Variants in SAXO1 observed in about 807,000 individuals in gnomAD.
SAXO1 encodes the protein stabilizer of axonemal microtubules 1.
A neutral mutation model predicts 17.5 loss-of-function variants in SAXO1; 21 were observed. The ratio of observed to expected loss-of-function variants is 1.20; its 90% CI spans 0.85 to 1.72. The LOEUF (loss-of-function observed/expected upper bound fraction) is 1.72, where lower values mean the gene tolerates loss of function less well. Ranked by LOEUF, SAXO1 falls within the 40% of genes most tolerant of loss-of-function variation. The pLI is 0.00. For missense variants in SAXO1, 843 were observed against 596.0 expected (o/e 1.41, Z -4.32); for synonymous variants, 274 against 216.5 (o/e 1.27, Z -2.33).
chr9:18,983,631 T>C (rs1231765064), intron 1 of SAXO1, among the ~76,000 whole-genome samples: 2 of 152,214 alleles, frequency 1.3e-5, no homozygotes, highest in African/African-American at 4.8e-5. Context: ...TGCAGTAATT[T>C]ATGTCTTCAG....
intron 1 of SAXO1, among the ~76,000 whole-genome samples, chr9:18,966,796 T>C (rs1721698457): frequency 6.6e-6 from 1 of 152,040 alleles, no homozygotes. Context: ...TGGTGAGGAG[T>C]TGTGATCCTT....
At chr9:18,930,661 G>A (rs866145308) in intron 3 of SAXO1, among the ~76,000 whole-genome samples, 35 of 152,130 alleles carry the variant, frequency 2.3e-4, no homozygotes, top group Admixed American at 3.3e-4. Context: ...CACCGCACCC[G>A]GCTAATTTTG....
At chr9:18,955,777 C>A (rs1460927384) in intron 1 of SAXO1, among the ~76,000 whole-genome samples, 1 of 152,068 alleles carries the variant, frequency 6.6e-6, no homozygotes, top group Non-Finnish European at 1.5e-5. Context: ...GTCTTCAAGG[C>A]CCATCTTCAA....
At chr9:19,009,626 A>G (rs1210535446) in intron 1 of SAXO1, among the ~76,000 whole-genome samples, 2 of 152,170 alleles carry the variant, frequency 1.3e-5, no homozygotes, top group Non-Finnish European at 2.9e-5. Flanking sequence ...TGGAACAAGC[A>G]TCAGGGAAAA....
At chr9:19,023,548 A>C (rs997798461) in intron 1 of SAXO1, among the ~76,000 whole-genome samples, 7 of 152,184 alleles carry the variant, frequency 4.6e-5, no homozygotes, top group Non-Finnish European at 1.5e-5. Context: ...ATTTGAACCA[A>C]GATAGGCTGG....
At chr9:19,012,002 T>C (rs7037230) in intron 1 of SAXO1, among the ~76,000 whole-genome samples, 84,165 of 151,430 alleles carry the variant, frequency 0.56, 23,858 homozygotes, top group Non-Finnish European at 0.63. Context: ...CAGGTCACCA[T>C]GCCCGGCCAA....
intron 1 of SAXO1, among the ~76,000 whole-genome samples, chr9:18,968,212 CTT>C (rs959372995): frequency 2.6e-5 from 4 of 152,136 alleles, no homozygotes; most frequent in Non-Finnish European, 5.9e-5. Context: ...CCAGTCTTCC[CTT>C]TTTTGTTATT....
At chr9:18,995,520 C>T (rs1833965347) in intron 1 of SAXO1, among the ~76,000 whole-genome samples, 1 of 152,160 alleles carries the variant, frequency 6.6e-6, no homozygotes, top group South Asian at 2.1e-4. Flanking sequence ...TCCTAGCTTG[C>T]AAGAAAGAAC....
intron 1 of SAXO1, among the ~76,000 whole-genome samples, chr9:18,983,805 C>G (rs1431027046): frequency 6.6e-6 from 1 of 152,184 alleles, no homozygotes; most frequent in Non-Finnish European, 1.5e-5. Flanking sequence ...GAATCACTAA[C>G]TTTCTTAATG....
intron 1 of SAXO1, among the ~76,000 whole-genome samples, chr9:18,951,321 C>T (rs1161083087): frequency 6.6e-6 from 1 of 152,158 alleles, no homozygotes; most frequent in Non-Finnish European, 1.5e-5. Flanking sequence ...GAATTCAGGG[C>T]TTACTACTGA....
intron 1 of SAXO1, among the ~76,000 whole-genome samples, chr9:19,019,461 G>C (rs535615009): frequency 6.6e-6 from 1 of 152,182 alleles, no homozygotes; most frequent in Non-Finnish European, 1.5e-5. Flanking sequence ...GACAAGGTTG[G>C]CTCACACCTG....
At chr9:19,033,571 T>G (rs1405941096), upstream of SAXO1, among the ~76,000 whole-genome samples, 1 of 152,236 alleles carries the variant, frequency 6.6e-6, no homozygotes, top group African/African-American at 2.4e-5. Flanking sequence ...TTTCCAGATC[T>G]TCCTGTGGAA....
At chr9:19,012,254 G>T (rs1331633939) in intron 1 of SAXO1, among the ~76,000 whole-genome samples, 2 of 152,234 alleles carry the variant, frequency 1.3e-5, no homozygotes, top group African/African-American at 2.4e-5. Flanking sequence ...ATAAGATTTA[G>T]AGCCTTTTTC....
At chr9:18,983,053 A>G (rs547310109) in intron 1 of SAXO1, among the ~76,000 whole-genome samples, 209 of 152,342 alleles carry the variant, frequency 1.4e-3, no homozygotes, top group Middle Eastern at 3.4e-3. Flanking sequence ...ACGGACCATT[A>G]GCAGAGAGGT....
chr9:18,934,431 G>A (rs1219742906), intron 3 of SAXO1, among the ~76,000 whole-genome samples: 1 of 152,086 alleles, frequency 6.6e-6, no homozygotes, highest in Admixed American at 6.5e-5. Context: ...TCTTATGCCA[G>A]CTCAAATCTG....
chr9:18,987,694 C>G (rs905316367), intron 1 of SAXO1, among the ~76,000 whole-genome samples: 9 of 151,980 alleles, frequency 5.9e-5, no homozygotes, highest in African/African-American at 2.2e-4. Flanking sequence ...AGCTCAGGAG[C>G]TCAAGGCCAG....
At chr9:19,023,809 G>C (rs566963033) in intron 1 of SAXO1, among the ~76,000 whole-genome samples, 1 of 152,006 alleles carries the variant, frequency 6.6e-6, no homozygotes, top group African/African-American at 2.4e-5. Context: ...GGAAAGCAAG[G>C]AAAGGAAAGA....
At chr9:18,941,587 C>G (rs1163229479) in intron 3 of SAXO1, 50 bp downstream of exon 3, 1 of 1,603,254 alleles carries the variant, frequency 6.2e-7, no homozygotes, top group African/African-American at 1.3e-5. Context: ...CTGGCCCGCA[C>G]ACAGGCTCAG....
Position 18,928,036 on chromosome 9 carries a change from T to G in SAXO1, c.*16A>C. On this transcript the variant is annotated 3_prime_UTR_variant, in exon 4 of 4. Transcript: ENST00000380534. ...TTAAAAGTACTGTGTAATTTCTAAA[T>G]TACTATTTTTCAAAATCAGGCTAAC... 6.5e-7 allele frequency: 1 copy of G among 1,546,266 alleles called. No individual in the cohort carries two copies. The highest frequency in any genetic ancestry group is 8.7e-7 in the Non-Finnish European group (1 of 1,143,756).
Sources: allele counts gnomAD v4.1 joint callset (sites outside exome capture counted in the v4.1 genomes callset), GRCh38; gene constraint gnomAD v4.1.1; transcripts MANE v1.5; gene names NCBI Gene and HGNC (gene_info 2026-07-23, HGNC 2026-07-21).